Variants in DAGLA observed in about 807,000 individuals in gnomAD.
DAGLA encodes the protein diacylglycerol lipase alpha.
Under a neutral mutation model 102.6 loss-of-function variants are expected in DAGLA, and 22 were observed. The observed-to-expected ratio is 0.21, with a 90% confidence interval of 0.15 to 0.31. DAGLA has a LOEUF of 0.31. Ranked by LOEUF, DAGLA falls within the 10% of genes least tolerant of loss-of-function variation. DAGLA has a pLI of 1.00. For synonymous variants in DAGLA, 578 were observed against 628.9 expected (o/e 0.92, Z 1.21); for missense variants, 927 against 1,446.6 (o/e 0.64, Z 5.83).
intron 1 of DAGLA, among the ~76,000 whole-genome samples, chr11:61,711,455 G>A (rs913813270): frequency 1.3e-5 from 2 of 152,226 alleles, no homozygotes; most frequent in Non-Finnish European, 2.9e-5. Flanking sequence ...AACATTGTCG[G>A]AGCACAGGAC....
intron 6 of DAGLA, 149 bp downstream of exon 6, chr11:61,726,231 G>A (rs779866041): frequency 2.7e-6 from 2 of 738,976 alleles, no homozygotes; most frequent in Non-Finnish European, 4.7e-6. Flanking sequence ...TGCTCACACA[G>A]GGCCTGTTAT....
intron 1 of DAGLA, among the ~76,000 whole-genome samples, chr11:61,688,037 C>T (rs573655863): frequency 1.3e-5 from 2 of 152,284 alleles, no homozygotes; most frequent in South Asian, 4.1e-4. Flanking sequence ...TTAGGGATGG[C>T]TGGGTGCGGT....
intron 9 of DAGLA, 30 bp downstream of exon 9, chr11:61,731,471 T>C (rs1343054941): frequency 9.9e-6 from 16 of 1,610,274 alleles, no homozygotes; most frequent in East Asian, 2.2e-5. Flanking sequence ...CCCCCAGCGA[T>C]TGCACCTCTC....
In DAGLA at chr11:61,737,727, G is replaced by A. The variant is rs1317880004; in HGVS notation, c.1555G>A (p.Val519Met). The A allele has an allele frequency of 6.2e-7, 1 of 1,614,098 alleles. No individual in the cohort carries two copies. Among genetic ancestry groups the A allele is most frequent in the South Asian group, 1.1e-5 (1 of 91,080 alleles). The change falls in exon 15 of 20, where the codon GTG becomes ATG. Residue 519 changes from valine to methionine, a missense_variant. By Grantham distance (21) the Val-to-Met change is conservative. This residue lies in a region of DAGLA where 218 missense variants were observed against 459.6 expected (regional missense o/e 0.47). Coordinates refer to ENST00000257215, the MANE Select transcript of DAGLA (RefSeq NM_006133.3). ...GTATTCCAAGGAGTTCGTGACTGCT[G>A]TGGTTCTGGGCAAAGACCTCGTCCC... The part of the protein sequence containing the change: ...MEYSKEFVTA[V>M]VLGKDLVPRI...
intron 1 of DAGLA, among the ~76,000 whole-genome samples, chr11:61,691,270 C>T (rs2135551318): frequency 6.6e-6 from 1 of 152,338 alleles, no homozygotes; most frequent in Middle Eastern, 3.4e-3. Flanking sequence ...CATAAAGCAG[C>T]TGGAGCAGTG....
At chr11:61,715,589 C>T (rs2065230090) in intron 1 of DAGLA, among the ~76,000 whole-genome samples, 1 of 152,202 alleles carries the variant, frequency 6.6e-6, no homozygotes, top group African/African-American at 2.4e-5. Context: ...GGGGCGAGGC[C>T]CAGCCTGGGG....
At chr11:61,730,892 C>T (rs1185801975) in intron 8 of DAGLA, among the ~76,000 whole-genome samples, 1 of 152,236 alleles carries the variant, frequency 6.6e-6, no homozygotes, top group Non-Finnish European at 1.5e-5. Context: ...ACACACGCCG[C>T]CCAGCTGGAG....
At chr11:61,714,296 G>A (rs1470805683) in intron 1 of DAGLA, among the ~76,000 whole-genome samples, 1 of 152,218 alleles carries the variant, frequency 6.6e-6, no homozygotes, top group Admixed American at 6.5e-5. Context: ...GCCCCCAGAG[G>A]CAGGAGTAAA....
rs760839501 is a variant in DAGLA at position 61,744,342 on chromosome 11, C to G, written c.2982C>G (p.Leu994=). Residue 994 remains leucine, a synonymous_variant, in exon 20 of 20, where the codon CTC becomes CTG. Transcript: ENST00000257215. ...SGISLSPSFP[L]SSSGELMDLT... is the part of the protein sequence containing the mutation. Reference sequence around the variant, plus strand: ...TCTCACTCTCGCCCTCCTTCCCGCTCAGCTCCTCGGGTGAGCTCATGGACC... The same window carrying G: ...TCTCACTCTCGCCCTCCTTCCCGCTGAGCTCCTCGGGTGAGCTCATGGACC... The G allele has an allele frequency of 6.2e-7, 1 of 1,612,568 alleles. No individual in the cohort carries two copies. The highest frequency in any genetic ancestry group is 8.5e-7 in the Non-Finnish European group (1 of 1,179,760).
At position 61,697,154 on chromosome 11, in the gene DAGLA, A is replaced by C. The variant is rs377592551; in HGVS notation, c.-45+16650A>C. On this transcript the variant is annotated intron_variant, in intron 1 of 19. Transcript: ENST00000257215. ...AGAAATGAAGCGGTTTCTGTGCCCCAGTGCCATGGACAGCTCCAGTGACTC... is the reference window on the plus strand; with the variant it reads ...AGAAATGAAGCGGTTTCTGTGCCCCCGTGCCATGGACAGCTCCAGTGACTC... 4.0e-4 allele frequency among the ~76,000 whole-genome samples: 61 copies of C among 152,258 alleles called. 1 individual carries two copies. The South Asian group carries it at 0.011, about 28-fold the overall frequency.
At position 61,723,426 on chromosome 11, in the gene DAGLA, GC is replaced by G. The variant is rs1463899883; in HGVS notation, c.410-5del. The G allele has an allele frequency of 1.2e-6, 2 of 1,609,738 alleles. No homozygotes were observed. On this transcript the variant is annotated splice_region_variant and splice_polypyrimidine_tract_variant and intron_variant, in intron 4 of 19. Transcript: ENST00000257215. ...CCCCTACCTAATGCCTCCCACTGCT[GC>G]CCGCAGGAATGGTTGTCTGCAACTG... is the stretch of plus-strand genomic sequence containing the variant.
rs1434483966 is a variant in DAGLA, at chr11:61,745,553, G to A, written c.*1064G>A. On this transcript the variant is annotated 3_prime_UTR_variant, in exon 20 of 20. Transcript: ENST00000257215. ...TTGGTAGGAGGTGGGGCCAAGAGTG[G>A]GGTATGGTGGGCCTTGGCTGGAGAC... is the stretch of plus-strand genomic sequence containing the variant. The A allele has an allele frequency of 6.5e-6, 1 of 152,710 alleles. No individual in the cohort carries two copies. The highest frequency in any genetic ancestry group is 2.4e-5 in the African/African-American group (1 of 41,426). 9.5% of individuals were successfully genotyped at this position (152,710 alleles called of 1,614,324 possible). A position where few individuals can be genotyped will look rare whatever the true frequency, so the allele number is the denominator to read the frequency against.
intron 1 of DAGLA, among the ~76,000 whole-genome samples, chr11:61,702,648 G>A (rs917456750): frequency 1.3e-5 from 2 of 152,204 alleles, no homozygotes; most frequent in African/African-American, 2.4e-5. Flanking sequence ...CTGGGCCCCC[G>A]GTTGGGAGAG....
At position 61,686,898 on chromosome 11, in the gene DAGLA, G is replaced by A. The variant is rs906337168; in HGVS notation, c.-45+6394G>A. 2.6e-5 allele frequency among the ~76,000 whole-genome samples: 4 copies of A among 152,272 alleles called. No homozygotes were observed. Among genetic ancestry groups the A allele is most frequent in the Admixed American group, 1.3e-4 (2 of 15,300 alleles). ...ATGGGCAGGCCACACCGTGGAGTGG[G>A]CTCCCTGGGGCTGCACCTCTGTCTC... On this transcript the variant is annotated intron_variant, in intron 1 of 19. Coordinates refer to ENST00000257215, the MANE Select transcript of DAGLA (RefSeq NM_006133.3). This position sits in a 1 kb window ranked among gnomAD's most constrained non-coding sequence, Gnocchi z 5.2.
intron 1 of DAGLA, among the ~76,000 whole-genome samples, chr11:61,717,197 C>T (rs954788699): frequency 6.6e-6 from 1 of 152,172 alleles, no homozygotes; most frequent in Non-Finnish European, 1.5e-5. Context: ...ACATTTCCTC[C>T]AGATGAAATC....
At chr11:61,708,575 G>A (rs1200058448) in intron 1 of DAGLA, among the ~76,000 whole-genome samples, 4 of 151,464 alleles carry the variant, frequency 2.6e-5, no homozygotes, top group Non-Finnish European at 5.9e-5. Context: ...AGTAGAGATG[G>A]GGTTTCACCG....
chr11:61,737,014 C>T (rs184322021), intron 13 of DAGLA, among the ~76,000 whole-genome samples, 168 bp from the exon 14 acceptor site: 139 of 152,354 alleles, frequency 9.1e-4, no homozygotes, highest in African/African-American at 3.1e-3. Context: ...CCTAAGCAGT[C>T]GCTCTGTGGG....
intron 1 of DAGLA, among the ~76,000 whole-genome samples, chr11:61,714,923 T>G (rs17156244): frequency 0.11 from 17,158 of 152,220 alleles, 1,330 homozygotes; most frequent in East Asian, 0.27. Flanking sequence ...GTAATAGTAA[T>G]GGCAGTGGCA....
chr11:61,720,846 C>T lies in DAGLA; in HGVS notation c.263C>T (p.Thr88Met), dbSNP rs2065275496. The change falls in exon 3 of 20, where the codon ACG becomes ATG. Residue 88 changes from threonine to methionine, a missense_variant. Physicochemically the swap from Thr to Met is moderately conservative, Grantham distance 81. Around this residue, in one of 4 missense-constraint regions of DAGLA, gnomAD observed 231 missense variants for 439.8 expected, o/e 0.53. Transcript: ENST00000257215. ...WLSMRGGILY[T>M]EPRDSMQYVL... ...AGCATGCGCGGGGGCATCCTCTACA[C>T]GGAGCCCCGTGACTCCATGCAGTAC... The T allele has an allele frequency of 1.4e-5, 22 of 1,613,406 alleles. No individual in the cohort carries two copies. The highest frequency in any genetic ancestry group is 2.7e-5 in the African/African-American group (2 of 74,946).
Sources: allele counts gnomAD v4.1 joint callset (sites outside exome capture counted in the v4.1 genomes callset), GRCh38; gene constraint gnomAD v4.1.1; regional missense constraint gnomAD v4.1.1; non-coding constraint Gnocchi (gnomAD v3.1); transcripts MANE v1.5; gene names NCBI Gene and HGNC (gene_info 2026-07-23, HGNC 2026-07-21).